The following CDKAL1 variants were observed in gnomAD, a reference collection of about 807,000 sequenced individuals.
CDKAL1 encodes the protein CDKAL1 threonylcarbamoyladenosine tRNA methylthiotransferase, also known as threonylcarbamoyladenosine tRNA methylthiotransferase.
CDKAL1 carries 32 observed loss-of-function variants against 68.2 expected under a neutral mutation model. That is an observed-to-expected ratio of 0.47 (90% CI 0.35 to 0.63). The LOEUF is 0.63. CDKAL1 is among the 30% of genes least tolerant of loss of function. The pLI, the probability that CDKAL1 is intolerant of heterozygous loss-of-function variation, is 0.00. For missense variants in CDKAL1, 606 were observed against 696.7 expected, an observed-to-expected ratio of 0.87 and a Z score of 1.47; for synonymous variants, 234 against 244.3, an observed-to-expected ratio of 0.96 and a Z score of 0.39.
intron 13 of CDKAL1, among the ~76,000 whole-genome samples, chr6:21,191,986 ATTTTTCTTTTTT>A (rs1778260295): frequency 4.3e-5 from 1 of 23,332 alleles, no homozygotes; most frequent in African/African-American, 1.6e-4. Context: ...TTTATAATTC[ATTTTTCTTTTTT>A]TTTTTTTTTT....
At chr6:20,899,196 C>T (rs113551732) in intron 9 of CDKAL1, among the ~76,000 whole-genome samples, 1,782 of 151,724 alleles carry the variant, frequency 0.012, 37 homozygotes, top group African/African-American at 0.041. Context: ...TCCCCAGTAG[C>T]TGGGACTACA....
At chr6:20,914,144 G>A (rs534885896) in intron 9 of CDKAL1, among the ~76,000 whole-genome samples, 2 of 152,086 alleles carry the variant, frequency 1.3e-5, no homozygotes, top group South Asian at 4.2e-4. Context: ...AAAAAAATTA[G>A]CTGGGCGTGG....
At chr6:21,118,661 A>T (rs1582235988) in intron 13 of CDKAL1, among the ~76,000 whole-genome samples, 1 of 152,248 alleles carries the variant, frequency 6.6e-6, no homozygotes, top group Non-Finnish European at 1.5e-5. Flanking sequence ...GAATTTTAGC[A>T]TCTGGAAAGA....
chr6:20,904,568 T>C (rs954769419), intron 9 of CDKAL1, among the ~76,000 whole-genome samples: 28 of 152,072 alleles, frequency 1.8e-4, no homozygotes, highest in African/African-American at 6.5e-4. Flanking sequence ...AGCAGGTGGA[T>C]TACCTGAGGT....
At chr6:20,679,539 C>A (rs1390652387) in intron 5 of CDKAL1, among the ~76,000 whole-genome samples, 1 of 152,192 alleles carries the variant, frequency 6.6e-6, no homozygotes, top group Non-Finnish European at 1.5e-5. Flanking sequence ...TTCCCCAGAC[C>A]TCTCTTGGTT....
chr6:20,714,463 A>G (rs1015293592), intron 5 of CDKAL1, among the ~76,000 whole-genome samples: 9 of 134,434 alleles, frequency 6.7e-5, no homozygotes, highest in Non-Finnish European at 9.1e-5. Flanking sequence ...ATCATAGTTC[A>G]CTGCAGCCTT....
In CDKAL1 at chr6:21,205,663, T is replaced by A. The variant is rs573882902; in HGVS notation, c.1548+4389T>A. Among the ~76,000 whole-genome samples, 17 of 150,338 alleles carry A rather than the reference T, an allele frequency of 1.1e-4. No individual in the cohort carries two copies. In the South Asian group the frequency reaches 3.6e-3, roughly 32 times the overall value. On this transcript the variant is annotated intron_variant, in intron 15 of 15. Transcript: ENST00000274695. ...CTCCTGCCGCAGCCTCCCGAGTAGCTGGGACCACAGGAACCCGCCACCACG... is the reference window on the plus strand; with the variant it reads ...CTCCTGCCGCAGCCTCCCGAGTAGCAGGGACCACAGGAACCCGCCACCACG...
At chr6:20,670,367 G>A (rs1379699563) in intron 5 of CDKAL1, among the ~76,000 whole-genome samples, 6 of 151,976 alleles carry the variant, frequency 3.9e-5, no homozygotes, top group African/African-American at 1.2e-4. Context: ...AATTTTTTGA[G>A]TTTGTGAAAT....
chr6:20,979,743 A>G (rs983716675), intron 10 of CDKAL1, among the ~76,000 whole-genome samples: 6 of 150,020 alleles, frequency 4.0e-5, no homozygotes, highest in Non-Finnish European at 5.9e-5. Context: ...TAAATGATTT[A>G]TATTGATATT....
intron 15 of CDKAL1, among the ~76,000 whole-genome samples, chr6:21,203,744 C>G: frequency 6.9e-6 from 1 of 144,048 alleles, no homozygotes; most frequent in Admixed American, 7.1e-5. Flanking sequence ...GCTTGTCGCC[C>G]AGGCTGGAGT....
chr6:21,087,513 T>C (rs1772758562), intron 12 of CDKAL1, among the ~76,000 whole-genome samples: 1 of 152,138 alleles, frequency 6.6e-6, no homozygotes. Flanking sequence ...GTCTTTTTAT[T>C]TGCCAAGTGG....
intron 13 of CDKAL1, among the ~76,000 whole-genome samples, chr6:21,153,960 G>A (rs921822649): frequency 6.6e-6 from 1 of 152,114 alleles, no homozygotes; most frequent in Non-Finnish European, 1.5e-5. Context: ...AAGGGGCGGG[G>A]AGACTCCAGA....
At chr6:20,722,502 G>A (rs1346836295) in intron 5 of CDKAL1, 2 of 330,340 alleles carry the variant, frequency 6.1e-6, no homozygotes, top group Admixed American at 3.4e-5. Context: ...AATGGGTTTA[G>A]TATGCCCACC....
At chr6:20,952,583 G>A (rs1160587428) in intron 9 of CDKAL1, among the ~76,000 whole-genome samples, 2 of 152,230 alleles carry the variant, frequency 1.3e-5, no homozygotes, top group African/African-American at 2.4e-5. Context: ...ATAAAGGTTT[G>A]GATGAATTGA....
chr6:20,785,221 T>G (rs1403975143), intron 8 of CDKAL1, among the ~76,000 whole-genome samples: 2 of 152,196 alleles, frequency 1.3e-5, no homozygotes, highest in Non-Finnish European at 2.9e-5. Flanking sequence ...CCTGAATCAG[T>G]TGCAGCCTTA....
chr6:20,743,622 C>G (rs1041597938), intron 6 of CDKAL1, among the ~76,000 whole-genome samples: 7 of 152,180 alleles, frequency 4.6e-5, no homozygotes, highest in African/African-American at 1.7e-4. Context: ...TTTTTGACCT[C>G]TGGGCCTTTT....
At chr6:20,887,576 T>C (rs1561858650) in intron 9 of CDKAL1, among the ~76,000 whole-genome samples, 2 of 150,392 alleles carry the variant, frequency 1.3e-5, no homozygotes, top group South Asian at 2.1e-4. Context: ...GTGCAAGATA[T>C]GATTTCATTC....
intron 8 of CDKAL1, among the ~76,000 whole-genome samples, chr6:20,791,710 A>G (rs1452075618): frequency 6.6e-6 from 1 of 152,162 alleles, no homozygotes; most frequent in African/African-American, 2.4e-5. Flanking sequence ...GACTCCTAAG[A>G]TGCATCCATT....
chr6:20,953,391 T>C (rs1295809270), intron 9 of CDKAL1, among the ~76,000 whole-genome samples: 1 of 152,182 alleles, frequency 6.6e-6, no homozygotes, highest in Non-Finnish European at 1.5e-5. Flanking sequence ...ATGGAACCAT[T>C]TGGATGGAAA....
Sources: allele counts gnomAD v4.1 joint callset (sites outside exome capture counted in the v4.1 genomes callset), GRCh38; gene constraint gnomAD v4.1.1; transcripts MANE v1.5; gene names NCBI Gene and HGNC (gene_info 2026-07-23, HGNC 2026-07-21).